Variants in BMPR2 observed in about 807,000 individuals in gnomAD.
BMPR2 encodes bone morphogenetic protein receptor type-2.
BMPR2 carries 29 observed loss-of-function variants against 100.8 expected under a neutral mutation model. That is an observed-to-expected ratio of 0.29 (90% CI 0.21 to 0.39). The LOEUF (loss-of-function observed/expected upper bound fraction) is 0.39, where lower values mean the gene tolerates loss of function less well. BMPR2 is among the 10% of genes least tolerant of loss of function. BMPR2 has a pLI of 1.00. For missense variants in BMPR2, 1,011 were observed against 1,274.5 expected (o/e 0.79, Z 3.15); for synonymous variants, 382 against 442.3 (o/e 0.86, Z 1.71).
chr2:202,386,287 A>T (rs983343473), intron 1 of BMPR2, among the ~76,000 whole-genome samples: 1 of 152,158 alleles, frequency 6.6e-6, no homozygotes, highest in Non-Finnish European at 1.5e-5. Context: ...TGTCGTATCT[A>T]CTTGGATGTC....
intron 3 of BMPR2, among the ~76,000 whole-genome samples, chr2:202,502,300 G>T (rs1183176947): frequency 6.6e-6 from 1 of 151,974 alleles, no homozygotes; most frequent in Admixed American, 6.6e-5. Context: ...ATCAAAATGG[G>T]AAGGAGAGGG....
At chr2:202,447,957 G>GA (rs1465152580) in intron 1 of BMPR2, among the ~76,000 whole-genome samples, 1 of 150,148 alleles carries the variant, frequency 6.7e-6, no homozygotes, top group African/African-American at 2.5e-5. Context: ...AACATGGGTT[G>GA]AAAAAATAGA....
At chr2:202,546,846 C>T (rs1688384344) in intron 10 of BMPR2, among the ~76,000 whole-genome samples, 1 of 152,184 alleles carries the variant, frequency 6.6e-6, no homozygotes, top group Admixed American at 6.5e-5. Flanking sequence ...TCATGATCCA[C>T]CTGCCTCAGA....
rs1687668618 is a variant in BMPR2, at chr2:202,513,926, T to C, written c.529+97T>C. ...ATTCCGTATGTTAAAAAAAATAGTCTCAAAGTTATGCAAAATACACCCAGC... is the reference window on the plus strand; with the variant it reads ...ATTCCGTATGTTAAAAAAAATAGTCCCAAAGTTATGCAAAATACACCCAGC... On this transcript the variant is annotated intron_variant, in intron 4 of 12. Transcript: ENST00000374580. 3.1e-6 allele frequency: 3 copies of C among 982,302 alleles called. No homozygotes were observed. The East Asian group carries it at 7.5e-5, about 25-fold the overall frequency. 60.8% of individuals were successfully genotyped at this position (982,302 alleles called of 1,614,324 possible). A position where few individuals can be genotyped will look rare whatever the true frequency, so the allele number is the denominator to read the frequency against.
intron 7 of BMPR2, among the ~76,000 whole-genome samples, chr2:202,521,286 G>C (rs761636685): frequency 6.6e-6 from 1 of 152,188 alleles, no homozygotes; most frequent in South Asian, 2.1e-4. Context: ...TGGCAGCCCG[G>C]GCGTGATTGA....
chr2:202,497,766 C>T (rs1045702034), intron 3 of BMPR2, among the ~76,000 whole-genome samples: 1 of 152,064 alleles, frequency 6.6e-6, no homozygotes, highest in African/African-American at 2.4e-5. Context: ...CTAATTAGAC[C>T]CACTTCTAAA....
Position 202,542,383 on chromosome 2 carries a change from A to T in BMPR2, c.1349A>T (p.Gln450Leu). 1.2e-6 allele frequency: 2 copies of T among 1,614,108 alleles called. No homozygotes were observed. The highest frequency in any genetic ancestry group is 1.7e-6 in the Non-Finnish European group (2 of 1,179,974). Residue 450 changes from glutamine to leucine, a missense_variant, in exon 10 of 13, where the codon CAG becomes CTG. Transcript: ENST00000374580. ...AACCATCCCACTTTTGAGGATATGCAGGTTCTCGTGTCTAGGGAAAAACAG... is the reference window on the plus strand; with the variant it reads ...AACCATCCCACTTTTGAGGATATGCTGGTTCTCGTGTCTAGGGAAAAACAG... ...VGNHPTFEDMQVLVSREKQRP... is the reference protein window; with the variant it reads ...VGNHPTFEDMLVLVSREKQRP...
rs1372307093 is a variant in BMPR2, at chr2:202,560,097, T to C, written c.*151T>C. The C allele has an allele frequency of 3.9e-6, 4 of 1,026,808 alleles. No homozygotes were observed. Among genetic ancestry groups the C allele is most frequent in the Non-Finnish European group, 5.5e-6 (4 of 721,698 alleles). The allele number at this position is 1,026,808 out of a possible 1,614,324, so 63.6% of individuals were successfully genotyped here. ...ACTTGCTTTAAATAGATTTCAGCTA[T>C]GCAGAAAAATTTAGCTTATGCTTCC... On this transcript the variant is annotated 3_prime_UTR_variant, in exon 13 of 13. Transcript: ENST00000374580.
chr2:202,517,642 G>A (rs940361198), intron 5 of BMPR2, among the ~76,000 whole-genome samples: 17 of 151,722 alleles, frequency 1.1e-4, no homozygotes, highest in East Asian at 7.8e-4. Context: ...GAGCCACCAC[G>A]CCCGGCCTCA....
chr2:202,493,771 T>C (rs925031074), intron 3 of BMPR2, among the ~76,000 whole-genome samples: 1 of 152,060 alleles, frequency 6.6e-6, no homozygotes, highest in African/African-American at 2.4e-5. Context: ...TTGGCGGGGG[T>C]GGAATTTAAC....
Position 202,555,793 on chromosome 2 carries a change from C to T in BMPR2, c.2128C>T (p.Leu710Phe). The change falls in exon 12 of 13, where the codon CTC (leucine) becomes TTC (phenylalanine). Residue 710 changes from leucine to phenylalanine, a missense_variant. Transcript: ENST00000374580. ...TACTAGTTCTAGCTTGCTTTACCCACTCATAAAACTTGCAGTAGAAGCAAC... is the reference window on the plus strand; with the variant it reads ...TACTAGTTCTAGCTTGCTTTACCCATTCATAAAACTTGCAGTAGAAGCAAC... Reference protein sequence around the residue: ...SSTSSSLLYPLIKLAVEATGQ... With the variant: ...SSTSSSLLYPFIKLAVEATGQ... 1 of 1,614,130 alleles carries T rather than the reference C, an allele frequency of 6.2e-7. No homozygotes were observed. Among genetic ancestry groups the T allele is most frequent in the Non-Finnish European group, 8.5e-7 (1 of 1,180,032 alleles).
At chr2:202,467,234 G>A (rs779494953) in intron 2 of BMPR2, among the ~76,000 whole-genome samples, 1 of 152,212 alleles carries the variant, frequency 6.6e-6, no homozygotes, top group Non-Finnish European at 1.5e-5. Context: ...TTGCACTCTA[G>A]CCTGGGCAAC....
chr2:202,557,184 G>A (rs979823594), intron 12 of BMPR2, among the ~76,000 whole-genome samples: 1 of 152,018 alleles, frequency 6.6e-6, no homozygotes, highest in East Asian at 1.9e-4. Flanking sequence ...TGCAAAAATG[G>A]CCAGGCACAG....
intron 3 of BMPR2, among the ~76,000 whole-genome samples, chr2:202,504,181 C>T (rs979951404): frequency 1.2e-4 from 18 of 152,114 alleles, no homozygotes; most frequent in Non-Finnish European, 2.4e-4. Context: ...AGAATAAAAG[C>T]GGGCTGCCCG....
Position 202,415,968 on chromosome 2 carries a change from G to T in BMPR2, c.76+38418G>T, listed in dbSNP as rs150839769. Reference sequence around the variant, plus strand: ...TCATAGGCTATAGCTGCCATAGATAGTGATTCCTCTGAATCTGAGCAAAGT... The same window carrying T: ...TCATAGGCTATAGCTGCCATAGATATTGATTCCTCTGAATCTGAGCAAAGT... On this transcript the variant is annotated intron_variant, in intron 1 of 12. Transcript: ENST00000374580. Among the ~76,000 whole-genome samples, 169 of 152,320 alleles carry T rather than the reference G, an allele frequency of 1.1e-3. 1 individual carries two copies. The highest frequency in any genetic ancestry group is 3.8e-3 in the African/African-American group (158 of 41,564).
intron 10 of BMPR2, among the ~76,000 whole-genome samples, chr2:202,551,971 C>T (rs937410072): frequency 1.3e-5 from 2 of 151,732 alleles, no homozygotes; most frequent in African/African-American, 4.8e-5. Context: ...TCTTCTGCCT[C>T]AGCCTCCTAA....
chr2:202,406,898 G>A (rs1293360425), intron 1 of BMPR2, among the ~76,000 whole-genome samples: 1 of 151,978 alleles, frequency 6.6e-6, no homozygotes, highest in Admixed American at 6.6e-5. Context: ...TATACCCGAG[G>A]AGTCCTGTTC....
chr2:202,492,715 A>C (rs1326076230), intron 3 of BMPR2, among the ~76,000 whole-genome samples: 1 of 149,932 alleles, frequency 6.7e-6, no homozygotes. Context: ...AAAAAAAAAA[A>C]AAAAAAAACC....
intron 10 of BMPR2, among the ~76,000 whole-genome samples, chr2:202,550,322 G>A (rs1193992841): frequency 2.0e-5 from 3 of 149,246 alleles, no homozygotes; most frequent in Non-Finnish European, 4.4e-5. Context: ...GCAGTGAGCC[G>A]AGATCGCGCC....
Sources: gnomAD v4.1 joint callset for allele counts (sites outside exome capture counted in the v4.1 genomes callset) on GRCh38, gnomAD v4.1.1 for gene constraint, MANE v1.5 for transcripts, NCBI Gene and HGNC (gene_info 2026-07-23, HGNC 2026-07-21) for gene names.